Variants in TRAPPC8 observed in about 807,000 individuals in gnomAD.
TRAPPC8 encodes the protein general sporulation gene 1 homolog.
TRAPPC8 carries 54 observed loss-of-function variants against 174.3 expected under a neutral mutation model. The observed-to-expected ratio is 0.31, with a 90% CI of 0.25 to 0.39. The LOEUF (loss-of-function observed/expected upper bound fraction) is 0.39. TRAPPC8 is among the 10% of genes least tolerant of loss of function. The probability of loss-of-function intolerance (pLI) is 1.00; values close to 1 mark genes in which losing one functional copy is unlikely to be tolerated. For synonymous variants in TRAPPC8, 630 were observed against 579.9 expected, an observed-to-expected ratio of 1.09 and a Z score of -1.24; for missense variants, 1,531 against 1,699.1, an observed-to-expected ratio of 0.90 and a Z score of 1.74.
chr18:31,850,430 G>A (rs1415165413), intron 24 of TRAPPC8, among the ~76,000 whole-genome samples: 1 of 151,910 alleles, frequency 6.6e-6, no homozygotes, highest in African/African-American at 2.4e-5. Context: ...TAAATCCAAG[G>A]CAATATCCAA....
At chr18:31,874,932 G>A (rs908701825) in intron 12 of TRAPPC8, among the ~76,000 whole-genome samples, 6 of 152,152 alleles carry the variant, frequency 3.9e-5, no homozygotes, top group Non-Finnish European at 8.8e-5. Flanking sequence ...TTAGATAGGA[G>A]TAGGGTACCT....
At chr18:31,854,495 A>C (rs1429690651) in intron 21 of TRAPPC8, among the ~76,000 whole-genome samples, 1 of 152,180 alleles carries the variant, frequency 6.6e-6, no homozygotes, top group Admixed American at 6.5e-5. Context: ...GGGGGAGATC[A>C]CCAAAGTACA....
intron 12 of TRAPPC8, among the ~76,000 whole-genome samples, chr18:31,885,684 C>A (rs565932982): frequency 6.6e-6 from 1 of 151,816 alleles, no homozygotes; most frequent in African/African-American, 2.4e-5. Flanking sequence ...CATGGAGAAA[C>A]CCTGTCTCTA....
intron 22 of TRAPPC8, 146 bp downstream of exon 22, chr18:31,853,703 T>C (rs1237487417): frequency 1.7e-6 from 1 of 577,702 alleles, no homozygotes; most frequent in African/African-American, 1.9e-5. Context: ...ATAGGTAATT[T>C]GACTTACAGT....
intron 19 of TRAPPC8, among the ~76,000 whole-genome samples, chr18:31,863,454 C>T (rs1190663420): frequency 6.6e-6 from 1 of 151,950 alleles, no homozygotes; most frequent in Admixed American, 6.6e-5. Flanking sequence ...TAGAAGTAAA[C>T]CCATTAAGAG....
intron 11 of TRAPPC8, among the ~76,000 whole-genome samples, chr18:31,893,623 A>C (rs181706522): frequency 3.8e-4 from 58 of 152,282 alleles, no homozygotes; most frequent in Admixed American, 1.2e-3. Context: ...CCAGCCCATT[A>C]ATATGTCTAT....
In TRAPPC8 at chr18:31,873,577, G is replaced by A. The variant is rs772691402; in HGVS notation, c.1954-39C>T. Reference sequence around the variant, plus strand: ...AAAAGGGAAAAAAAGTAGTTTTTGTGAAAATGGTATTTTTATTTGTTTCCT... The same window carrying A: ...AAAAGGGAAAAAAAGTAGTTTTTGTAAAAATGGTATTTTTATTTGTTTCCT... On this transcript the variant is annotated intron_variant, in intron 13 of 28. Transcript: ENST00000283351. 2.1e-6 allele frequency: 3 copies of A among 1,440,592 alleles called. No homozygotes were observed. The South Asian group carries it at 3.7e-5, about 18-fold the overall frequency. The allele number at this position is 1,440,592 out of a possible 1,614,324, so 89.2% of individuals were successfully genotyped here. A position where few individuals can be genotyped will look rare whatever the true frequency, so the allele number is the denominator to read the frequency against.
At chr18:31,845,685 A>T (rs2033363054) in intron 26 of TRAPPC8, among the ~76,000 whole-genome samples, 1 of 152,220 alleles carries the variant, frequency 6.6e-6, no homozygotes. Context: ...AGTCTTTTAC[A>T]CTATTCTTGA....
At chr18:31,838,900 C>T (rs188497983) in intron 27 of TRAPPC8, among the ~76,000 whole-genome samples, 60 of 152,200 alleles carry the variant, frequency 3.9e-4, no homozygotes, top group African/African-American at 1.4e-3. Context: ...TCTTTCTGTT[C>T]TATTCCATCC....
At chr18:31,834,825 A>G (rs1389265213) in intron 27 of TRAPPC8, among the ~76,000 whole-genome samples, 1 of 152,174 alleles carries the variant, frequency 6.6e-6, no homozygotes, top group Non-Finnish European at 1.5e-5. Context: ...TACCATGACC[A>G]AACCTCCTAC....
chr18:31,843,771 T>C (rs1375742158), intron 26 of TRAPPC8, among the ~76,000 whole-genome samples: 2 of 152,200 alleles, frequency 1.3e-5, no homozygotes, highest in African/African-American at 4.8e-5. Context: ...TAAGTCTACC[T>C]GGGGGATAGA....
chr18:31,836,901 A>C (rs1236094281), intron 27 of TRAPPC8, among the ~76,000 whole-genome samples: 3 of 151,712 alleles, frequency 2.0e-5, no homozygotes, highest in Non-Finnish European at 2.9e-5. Flanking sequence ...AGCTGGGACT[A>C]CAGGTGCCCG....
intron 21 of TRAPPC8, 51 bp downstream of exon 21, chr18:31,855,609 G>A (rs574488070): frequency 1.3e-6 from 2 of 1,521,638 alleles, no homozygotes; most frequent in African/African-American, 1.4e-5. Flanking sequence ...AAACACAAGG[G>A]AAACACTTCA....
chr18:31,844,635 T>C lies in TRAPPC8; in HGVS notation c.3837+2081A>G, dbSNP rs187385208. ...GAGGAAAGCACGTGAACAATGGCCT[T>C]AGAAGAATACCTGCAACCTTGCAGT... On this transcript the variant is annotated intron_variant, in intron 26 of 28. Coordinates refer to ENST00000283351, the MANE Select transcript of TRAPPC8 (RefSeq NM_014939.5). The C allele has an allele frequency of 5.3e-5, 8 of 150,778 alleles. No homozygotes were observed. In the East Asian group the frequency reaches 1.6e-3, roughly 30 times the overall value. The allele number at this position is 150,778 out of a possible 1,614,324, so 9.3% of individuals were successfully genotyped here.
chr18:31,913,630 G>T (rs2037010514), intron 4 of TRAPPC8, 108 bp from the exon 5 acceptor site: 3 of 841,492 alleles, frequency 3.6e-6, no homozygotes, highest in Non-Finnish European at 5.0e-6. Context: ...CCCCAAAAAG[G>T]CATATTTAGA....
chr18:31,862,912 G>C (rs184785797), intron 19 of TRAPPC8, among the ~76,000 whole-genome samples: 1 of 151,778 alleles, frequency 6.6e-6, no homozygotes, highest in Admixed American at 6.6e-5. Context: ...AAAATTAGCC[G>C]GTGCATGCTG....
intron 6 of TRAPPC8, 51 bp from the exon 7 acceptor site, chr18:31,909,061 G>T: frequency 6.6e-7 from 1 of 1,506,052 alleles, no homozygotes; most frequent in Non-Finnish European, 8.9e-7. Flanking sequence ...ACAGAAAACA[G>T]TGCTAATACT....
intron 12 of TRAPPC8, among the ~76,000 whole-genome samples, chr18:31,879,993 A>G (rs1208481051): frequency 1.4e-5 from 2 of 146,556 alleles, no homozygotes; most frequent in Non-Finnish European, 3.0e-5. Context: ...TAAATAAACA[A>G]CCAAATGAAG....
At chr18:31,880,105 ATATATATATATATATAT>A in intron 12 of TRAPPC8, among the ~76,000 whole-genome samples, 1 of 90,876 alleles carries the variant, frequency 1.1e-5, no homozygotes, top group African/African-American at 4.5e-5. Context: ...ATATATATAT[ATATATATATATATATAT>A]TTTTTTTTTT....
Sources: allele counts gnomAD v4.1 joint callset (sites outside exome capture counted in the v4.1 genomes callset), GRCh38; gene constraint gnomAD v4.1.1; transcripts MANE v1.5; gene names NCBI Gene and HGNC (gene_info 2026-07-23, HGNC 2026-07-21).